AP2A1: variants seen among roughly 807,000 people sequenced by gnomAD.
AP2A1 encodes adaptor related protein complex 2 subunit alpha 1.
Under a neutral mutation model 107.3 loss-of-function variants are expected in AP2A1, and 21 were observed. The ratio of observed to expected loss-of-function variants is 0.20; its 90% CI spans 0.14 to 0.28. The LOEUF (loss-of-function observed/expected upper bound fraction) is 0.28, where lower values mean the gene tolerates loss of function less well. Ranked by LOEUF, AP2A1 falls within the 10% of genes least tolerant of loss-of-function variation. AP2A1 has a pLI of 1.00. For missense variants in AP2A1, 873 were observed against 1,307.7 expected (o/e 0.67, Z 5.13); for synonymous variants, 602 against 564.8 (o/e 1.07, Z -0.93).
chr19:49,797,725 CA>C (rs981519123), intron 7 of AP2A1, among the ~76,000 whole-genome samples: 3 of 146,942 alleles, frequency 2.0e-5, no homozygotes, highest in African/African-American at 7.5e-5. Flanking sequence ...GACTCTGTCT[CA>C]AAAAAAAATA....
rs35911768 is a variant in AP2A1 at position 49,779,033 on chromosome 19, CA to C, written c.68-2707del. On this transcript the variant is annotated intron_variant, in intron 1 of 22. Transcript: ENST00000354293. The stretch of plus-strand genomic sequence containing the variant: ...CAACATAGTAAGACCTCATTGCTAC[CA>C]AAAAAAAAAAAAAAAATTAGGGCTG... Among the ~76,000 whole-genome samples the C allele has an allele frequency of 2.4e-3, 293 of 120,910 alleles. 1 individual carries two copies. Among genetic ancestry groups the C allele is most frequent in the East Asian group, 4.0e-3 (17 of 4,262 alleles). 79.3% of individuals were successfully genotyped at this position (120,910 alleles called of 152,430 possible).
chr19:49,789,444 C>G (rs1913221965), intron 4 of AP2A1, among the ~76,000 whole-genome samples: 1 of 152,116 alleles, frequency 6.6e-6, no homozygotes, highest in Admixed American at 6.5e-5. Context: ...GCACGTGCCA[C>G]CATGCCCAGC....
chr19:49,806,610 A>C, intron 22 of AP2A1, 71 bp from the exon 23 acceptor site: 1 of 1,597,592 alleles, frequency 6.3e-7, no homozygotes. Flanking sequence ...CCTTCCTTCT[A>C]TCTCCCTTGG....
At chr19:49,771,041 G>T (rs1392171311) in intron 1 of AP2A1, among the ~76,000 whole-genome samples, 1 of 151,762 alleles carries the variant, frequency 6.6e-6, no homozygotes, top group Non-Finnish European at 1.5e-5. Context: ...TAGTAGAGAC[G>T]GGGTTTTTAC....
intron 10 of AP2A1, 62 bp from the exon 11 acceptor site, chr19:49,799,906 C>T: frequency 1.3e-6 from 2 of 1,589,032 alleles, no homozygotes; most frequent in Non-Finnish European, 1.7e-6. Context: ...GAGCCCAGAT[C>T]CAGGTGAGTG....
chr19:49,798,248 G>A (rs1392460920), intron 7 of AP2A1, among the ~76,000 whole-genome samples: 3 of 152,318 alleles, frequency 2.0e-5, no homozygotes, highest in Admixed American at 2.0e-4. Context: ...GGAGAGCTCT[G>A]GGGGGTGAGG....
Position 49,806,729 on chromosome 19 carries a change from C to T in AP2A1, c.2839C>T (p.Leu947=), listed in dbSNP as rs547032875. ...CAGCAAGGAGCCCGTCTCCCGTCAC[C>T]TGTGTGAGCTGCTGGCACAGCAGTT... ...RTSKEPVSRH[L]CELLAQQF Residue 947 remains leucine, a synonymous_variant, in exon 23 of 23, where the codon CTG becomes TTG. Coordinates refer to ENST00000354293, the MANE Select transcript of AP2A1 (RefSeq NM_130787.3). The T allele has an allele frequency of 1.5e-5, 25 of 1,613,718 alleles. No homozygotes were observed. In the East Asian group the frequency reaches 2.5e-4, roughly 16 times the overall value.
At chr19:49,799,072 G>A in intron 8 of AP2A1, 120 bp downstream of exon 8, 1 of 1,382,462 alleles carries the variant, frequency 7.2e-7, no homozygotes, top group Non-Finnish European at 9.8e-7. Flanking sequence ...AGGGTAGGAG[G>A]AGGATGGGGC....
chr19:49,802,704 A>C, intron 15 of AP2A1: 1 of 1,204,702 alleles, frequency 8.3e-7, no homozygotes, highest in Non-Finnish European at 1.1e-6. Context: ...CCTGATGAGC[A>C]GCAGAGGCAG....
chr19:49,796,845 G>A (rs1015729486), intron 7 of AP2A1: 3 of 151,672 alleles, frequency 2.0e-5, no homozygotes, highest in Non-Finnish European at 4.4e-5. Flanking sequence ...CTGTGTGCAT[G>A]CCTGTGTGTG....
At chr19:49,795,605 C>CCTT in intron 6 of AP2A1, 25 bp from the exon 7 acceptor site, 2 of 812,250 alleles carry the variant, frequency 2.5e-6, no homozygotes, top group Admixed American at 2.6e-5. Context: ...CAGCCCCCAA[C>CCTT]TTATTTCTTG....
chr19:49,791,795 C>A, intron 4 of AP2A1, 140 bp from the exon 5 acceptor site: 1 of 1,129,016 alleles, frequency 8.9e-7, no homozygotes, highest in Non-Finnish European at 1.2e-6. Flanking sequence ...CAGCGCCAGA[C>A]TGGATCCTGC....
chr19:49,790,421 G>A (rs1478325885), intron 4 of AP2A1, among the ~76,000 whole-genome samples: 1 of 152,142 alleles, frequency 6.6e-6, no homozygotes, highest in Non-Finnish European at 1.5e-5. Context: ...TATCTGCAAA[G>A]TACCCCCACC....
In AP2A1 at chr19:49,782,804, T is replaced by C; in HGVS notation, c.473+80T>C. 10 of 1,438,324 alleles carry C rather than the reference T, an allele frequency of 7.0e-6. No homozygotes were observed. In the South Asian group the frequency reaches 1.4e-4, roughly 20 times the overall value. 89.1% of individuals were successfully genotyped at this position (1,438,324 alleles called of 1,614,324 possible). ...CCAAGTGTGAGGCTCAGAGAGGCTC[T>C]GTTGCCTGCCCAAGGTCTCCCAGCC... On this transcript the variant is annotated intron_variant, in intron 4 of 22. Transcript: ENST00000354293.
chr19:49,801,936 C>T (rs1347871494), intron 14 of AP2A1, 45 bp from the exon 15 acceptor site: 8 of 1,457,628 alleles, frequency 5.5e-6, no homozygotes, highest in Non-Finnish European at 6.3e-6. Flanking sequence ...GGGCTGGGTC[C>T]TGCCGGGCGC....
At chr19:49,774,232 T>C (rs1327830587) in intron 1 of AP2A1, among the ~76,000 whole-genome samples, 2 of 152,182 alleles carry the variant, frequency 1.3e-5, no homozygotes, top group Admixed American at 1.3e-4. Flanking sequence ...ACCTCCCCTG[T>C]GCCAGGCTGC....
At chr19:49,786,029 G>A (rs1337291694) in intron 4 of AP2A1, among the ~76,000 whole-genome samples, 4 of 152,082 alleles carry the variant, frequency 2.6e-5, no homozygotes, top group South Asian at 2.1e-4. Flanking sequence ...GCAGTGAGCC[G>A]AGATTGCACC....
chr19:49,800,858 G>A, intron 11 of AP2A1, 103 bp from the exon 12 acceptor site: 2 of 944,414 alleles, frequency 2.1e-6, no homozygotes, highest in Non-Finnish European at 3.2e-6. Context: ...CCCACCTGCA[G>A]CAGAGCTTTC....
chr19:49,789,400 C>T (rs1163888932), intron 4 of AP2A1, among the ~76,000 whole-genome samples: 1 of 152,252 alleles, frequency 6.6e-6, no homozygotes, highest in African/African-American at 2.4e-5. Context: ...AAGCGATTCT[C>T]CTGCCCCAGC....
Sources: allele counts gnomAD v4.1 joint callset (sites outside exome capture counted in the v4.1 genomes callset), GRCh38; gene constraint gnomAD v4.1.1; transcripts MANE v1.5; gene names NCBI Gene and HGNC (gene_info 2026-07-23, HGNC 2026-07-21).